Variants in SMPDL3A observed in about 807,000 individuals in gnomAD.
SMPDL3A encodes sphingomyelin phosphodiesterase acid like 3A.
A neutral mutation model predicts 38.5 loss-of-function variants in SMPDL3A; 39 were observed. That is an observed-to-expected ratio of 1.01 (90% CI 0.78 to 1.32). The LOEUF is 1.32. Among genes scored for constraint, SMPDL3A ranks in the 40% most tolerant of loss-of-function variants. The pLI is 0.00. For synonymous variants in SMPDL3A, 180 were observed against 194.3 expected (o/e 0.93, Z 0.61); for missense variants, 502 against 536.2 (o/e 0.94, Z 0.63).
chr6:122,794,581 T>C (rs988520353), intron 1 of SMPDL3A, among the ~76,000 whole-genome samples: 1 of 152,156 alleles, frequency 6.6e-6, no homozygotes, highest in African/African-American at 2.4e-5. Flanking sequence ...CTGGAGACAG[T>C]GTGAGACTCC....
At chr6:122,790,408 C>A (rs1781040658) in intron 1 of SMPDL3A, among the ~76,000 whole-genome samples, 3 of 152,170 alleles carry the variant, frequency 2.0e-5, no homozygotes, top group Admixed American at 2.0e-4. Context: ...CTCCTCAACT[C>A]CCTTTAAAAA....
chr6:122,791,838 C>T (rs1350065120), intron 1 of SMPDL3A, among the ~76,000 whole-genome samples: 1 of 152,086 alleles, frequency 6.6e-6, no homozygotes, highest in Non-Finnish European at 1.5e-5. Flanking sequence ...GGACTACAGG[C>T]GCCCGCCACC....
intron 1 of SMPDL3A, among the ~76,000 whole-genome samples, chr6:122,793,752 A>G (rs11969369): frequency 0.29 from 44,407 of 152,086 alleles, 7,279 homozygotes; most frequent in South Asian, 0.46. Context: ...GTTGGGAAGA[A>G]ACAACCACCA....
At chr6:122,791,274 C>A (rs1781067029) in intron 1 of SMPDL3A, among the ~76,000 whole-genome samples, 1 of 152,146 alleles carries the variant, frequency 6.6e-6, no homozygotes, top group African/African-American at 2.4e-5. Context: ...GGCTACAGTT[C>A]TTTAGATTGA....
intron 3 of SMPDL3A, among the ~76,000 whole-genome samples, chr6:122,798,408 T>C (rs1247355638): frequency 6.6e-6 from 1 of 152,160 alleles, no homozygotes; most frequent in Non-Finnish European, 1.5e-5. Context: ...CAGGTGTTCA[T>C]AGTCACTAGA....
intron 2 of SMPDL3A, among the ~76,000 whole-genome samples, 162 bp from the exon 3 acceptor site, chr6:122,796,662 G>A (rs1410489585): frequency 2.6e-5 from 4 of 152,134 alleles, no homozygotes; most frequent in Non-Finnish European, 5.9e-5. Flanking sequence ...AGGATTATCT[G>A]TAGGGTAGAG....
In SMPDL3A at chr6:122,806,296, A is replaced by T; in HGVS notation, c.983A>T (p.Lys328Ile). The change falls in exon 7 of 8, where the codon AAA becomes ATA. Residue 328 changes from lysine (K) to isoleucine (I), a missense_variant. Physicochemically the swap from Lys to Ile is moderately radical, Grantham distance 102. Transcript: ENST00000368440. ...AVTPVKSVLE[K>I]QTNNPGIRLF... ...ACACCAGTGAAGAGTGTTTTAGAAAAACAGACCAACAATCCTGGTATCAGA... is the reference window on the plus strand; with the variant it reads ...ACACCAGTGAAGAGTGTTTTAGAAATACAGACCAACAATCCTGGTATCAGA... 2 of 1,613,480 alleles carry T rather than the reference A, an allele frequency of 1.2e-6. No homozygotes were observed. Among genetic ancestry groups the T allele is most frequent in the Non-Finnish European group, 1.7e-6 (2 of 1,179,618 alleles).
chr6:122,803,217 G>A (rs990002565), intron 4 of SMPDL3A, among the ~76,000 whole-genome samples: 2 of 152,224 alleles, frequency 1.3e-5, no homozygotes, highest in Non-Finnish European at 2.9e-5. Flanking sequence ...TGTAGCAGCT[G>A]TGGTTTGTCT....
chr6:122,792,407 A>G (rs7740057), intron 1 of SMPDL3A, among the ~76,000 whole-genome samples: 10,874 of 152,210 alleles, frequency 0.071, 1,289 homozygotes, highest in African/African-American at 0.25. Context: ...ATGTCATCAT[A>G]TATAAATTAA....
chr6:122,797,636 T>C (rs948409828), intron 3 of SMPDL3A, among the ~76,000 whole-genome samples: 1 of 152,238 alleles, frequency 6.6e-6, no homozygotes, highest in African/African-American at 2.4e-5. Flanking sequence ...CTTAGATTTG[T>C]ACCCAGAGAT....
chr6:122,806,125 A>G (rs1383300280), intron 6 of SMPDL3A, 108 bp from the exon 7 acceptor site: 17 of 943,648 alleles, frequency 1.8e-5, no homozygotes, highest in East Asian at 2.7e-5. Context: ...TAGTGATCAC[A>G]TATCACTTGG....
intron 4 of SMPDL3A, among the ~76,000 whole-genome samples, chr6:122,803,190 C>T (rs1456130402): frequency 1.3e-5 from 2 of 152,146 alleles, no homozygotes; most frequent in Non-Finnish European, 2.9e-5. Context: ...GCCTTTAAAC[C>T]TCCTCTCCCC....
intron 4 of SMPDL3A, among the ~76,000 whole-genome samples, chr6:122,801,843 A>G (rs1426232664): frequency 6.6e-6 from 1 of 152,224 alleles, no homozygotes. Flanking sequence ...AAAGTAATGC[A>G]TAATTAGTGC....
At chr6:122,789,553 C>G in intron 1 of SMPDL3A, 95 bp downstream of exon 1, 1 of 1,149,502 alleles carries the variant, frequency 8.7e-7, no homozygotes. Flanking sequence ...GGGCAGCTGC[C>G]CCCGGCAGAG....
In SMPDL3A at chr6:122,789,355, G is replaced by A. The variant is rs1477123171; in HGVS notation, c.9G>A (p.Leu3=). MA[L]VRALVCCLLT... ...CAGCCCCGCGGCCCTCCATGGCGCT[G>A]GTGCGCGCACTCGTCTGCTGCCTGC... The change falls in exon 1 of 8, where the codon CTG becomes CTA. Residue 3 remains leucine (L), a synonymous_variant. Coordinates refer to ENST00000368440, the MANE Select transcript of SMPDL3A (RefSeq NM_006714.5). The A allele has an allele frequency of 6.5e-7, 1 of 1,545,990 alleles. No individual in the cohort carries two copies. Among genetic ancestry groups the A allele is most frequent in the Non-Finnish European group, 8.7e-7 (1 of 1,145,506 alleles).
intron 7 of SMPDL3A, 68 bp from the exon 8 acceptor site, chr6:122,809,023 G>A (rs1213269031): frequency 6.0e-6 from 7 of 1,175,442 alleles, no homozygotes; most frequent in South Asian, 2.7e-5. Context: ...AAACATGAAC[G>A]CTTCTTGTTG....
Position 122,795,899 on chromosome 6 carries a change from T to C in SMPDL3A, c.326+9T>C. ...TTCATGATATGGACAGGGTAAGTGA[T>C]TATACAAGTACCATTAATTACTCAA... On this transcript the variant is annotated intron_variant, in intron 2 of 7. Transcript: ENST00000368440. 2 of 1,565,654 alleles carry C rather than the reference T, an allele frequency of 1.3e-6. No homozygotes were observed. Among genetic ancestry groups the C allele is most frequent in the East Asian group, 4.5e-5 (2 of 44,632 alleles).
intron 3 of SMPDL3A, among the ~76,000 whole-genome samples, chr6:122,800,179 G>A (rs1198650878): frequency 6.6e-6 from 1 of 151,576 alleles, no homozygotes; most frequent in African/African-American, 2.4e-5. Context: ...TTTTCCTCCA[G>A]GCGAGGCTCC....
intron 1 of SMPDL3A, chr6:122,789,836 T>C (rs536346304): frequency 1.0e-6 from 1 of 985,394 alleles, no homozygotes; most frequent in African/African-American, 1.7e-5. Flanking sequence ...GGGAGTCCGA[T>C]GTCCAGCACA....
Sources: gnomAD v4.1 joint callset for allele counts (sites outside exome capture counted in the v4.1 genomes callset) on GRCh38, gnomAD v4.1.1 for gene constraint, MANE v1.5 for transcripts, NCBI Gene and HGNC (gene_info 2026-07-23, HGNC 2026-07-21) for gene names.